PRKCZ: variants seen among roughly 807,000 people sequenced by gnomAD.
PRKCZ encodes the protein protein kinase C zeta type.
A neutral mutation model predicts 79.5 loss-of-function variants in PRKCZ; 33 were observed. The observed-to-expected ratio is 0.41, with a 90% CI of 0.31 to 0.55. The LOEUF is 0.55. Ranked by LOEUF, PRKCZ falls within the 20% of genes least tolerant of loss-of-function variation. The probability of loss-of-function intolerance (pLI) is 0.19; values close to 1 mark genes in which losing one functional copy is unlikely to be tolerated. For missense variants in PRKCZ, 578 were observed against 813.5 expected, an observed-to-expected ratio of 0.71 and a Z score of 3.52; for synonymous variants, 342 against 320.9, an observed-to-expected ratio of 1.07 and a Z score of -0.70.
Position 2,075,810 on chromosome 1 carries a change from T to C in PRKCZ, c.334+16219T>C, listed in dbSNP as rs1662297388. Among the ~76,000 whole-genome samples the C allele has an allele frequency of 6.6e-6, 1 of 152,210 alleles. No homozygotes were observed. The highest frequency in any genetic ancestry group is 1.5e-5 in the Non-Finnish European group (1 of 68,040). On this transcript the variant is annotated intron_variant, in intron 4 of 17. Coordinates refer to ENST00000378567, the MANE Select transcript of PRKCZ (RefSeq NM_002744.6). The surrounding 1 kb of genome is among the most constrained non-coding windows in gnomAD (Gnocchi z 4.8). The stretch of plus-strand genomic sequence containing the variant: ...GGTGGGGACCTGCCAGGGCTGTCAA[T>C]GGCCCCAGTGGAGAGGCCCACTGAG...
chr1:2,126,209 CTT>C (rs1031211784), intron 4 of PRKCZ, among the ~76,000 whole-genome samples: 1 of 152,218 alleles, frequency 6.6e-6, no homozygotes, highest in Non-Finnish European at 1.5e-5. Flanking sequence ...CAATGGGAAA[CTT>C]TTCTTCAGTG....
chr1:2,055,650 T>G, intron 2 of PRKCZ, 88 bp downstream of exon 2: 1 of 1,502,324 alleles, frequency 6.7e-7, no homozygotes, highest in Non-Finnish European at 8.9e-7. Context: ...CTCAGCCAAT[T>G]CTGTGGGGAG....
intron 3 of PRKCZ, among the ~76,000 whole-genome samples, chr1:2,058,080 G>C (rs1660344395): frequency 6.6e-6 from 1 of 152,114 alleles, no homozygotes. Context: ...TGTTAGCCAA[G>C]ATGGTCTCGA....
intron 4 of PRKCZ, among the ~76,000 whole-genome samples, chr1:2,113,524 G>C (rs1476808811): frequency 6.6e-6 from 1 of 152,232 alleles, no homozygotes; most frequent in African/African-American, 2.4e-5. Flanking sequence ...GGCAGCATCC[G>C]ATAGCCCCTT....
At chr1:2,063,169 A>G (rs1240708335) in intron 4 of PRKCZ, among the ~76,000 whole-genome samples, 2 of 152,230 alleles carry the variant, frequency 1.3e-5, no homozygotes, top group Admixed American at 6.5e-5. Flanking sequence ...CATTTCTGTC[A>G]GTGGACACAC....
intron 4 of PRKCZ, among the ~76,000 whole-genome samples, chr1:2,118,676 A>T (rs1260465340): frequency 6.8e-6 from 1 of 146,560 alleles, no homozygotes; most frequent in East Asian, 2.1e-4. Flanking sequence ...TGTCATTAAC[A>T]TCTGATCTGT....
rs72925881 is a variant in PRKCZ, at chr1:2,180,413, G to A, written c.1576-4170G>A. On this transcript the variant is annotated intron_variant, in intron 16 of 17. Coordinates refer to ENST00000378567, the MANE Select transcript of PRKCZ (RefSeq NM_002744.6). ...GGACGCACAGACGATGTGGATGCAC[G>A]GACGACGTAGACACACGGATGACTC... Among the ~76,000 whole-genome samples the A allele has an allele frequency of 9.4e-3, 1,427 of 152,032 alleles. 35 individuals are homozygous for A. The highest frequency in any genetic ancestry group is 0.032 in the African/African-American group (1,337 of 41,432).
At position 2,082,467 on chromosome 1, in the gene PRKCZ, G is replaced by A. The variant is rs779904827; in HGVS notation, c.334+22876G>A. 1.1e-5 allele frequency: 5 copies of A among 454,804 alleles called. No homozygotes were observed. The highest frequency in any genetic ancestry group is 2.2e-5 in the Non-Finnish European group (5 of 226,244). The allele number at this position is 454,804 out of a possible 1,614,324, so 28.2% of individuals were successfully genotyped here. ...GAGACTGTAATTTCATTCTGTGAGT[G>A]TAAGATCACGTCCGCGTTCCTAGCG... On this transcript the variant is annotated intron_variant, in intron 4 of 17. Transcript: ENST00000378567. The surrounding 1 kb of genome is among the most constrained non-coding windows in gnomAD (Gnocchi z 4.4).
chr1:2,068,692 C>G (rs897168727), intron 4 of PRKCZ, among the ~76,000 whole-genome samples: 1 of 152,244 alleles, frequency 6.6e-6, no homozygotes, highest in Non-Finnish European at 1.5e-5. Flanking sequence ...TGCCTCTGAT[C>G]TGGTGGGAGT....
intron 4 of PRKCZ, chr1:2,105,021 T>A: frequency 1.5e-6 from 1 of 685,110 alleles, no homozygotes; most frequent in Non-Finnish European, 1.8e-6. Context: ...AGCTCCCCTG[T>A]GAGTTCAGAC....
rs1313352995 is a variant in PRKCZ, at chr1:2,156,280, T to C, written c.974+188T>C. The C allele has an allele frequency of 2.2e-5, 12 of 539,776 alleles. No individual in the cohort carries two copies. In the East Asian group the frequency reaches 4.0e-4, roughly 18 times the overall value. 33.4% of individuals were successfully genotyped at this position (539,776 alleles called of 1,614,324 possible). The stretch of plus-strand genomic sequence containing the variant: ...GTGTCATATTAAGTACATTTCATGA[T>C]CTGAAGTTATTTAATTCCATTTACG... On this transcript the variant is annotated intron_variant, in intron 10 of 17. Coordinates refer to ENST00000378567, the MANE Select transcript of PRKCZ (RefSeq NM_002744.6).
chr1:2,172,464 G>A lies in PRKCZ; in HGVS notation c.1285+76G>A. The A allele has an allele frequency of 1.4e-6, 2 of 1,457,728 alleles. No homozygotes were observed. Among genetic ancestry groups the A allele is most frequent in the Non-Finnish European group, 1.9e-6 (2 of 1,077,968 alleles). 90.3% of individuals were successfully genotyped at this position (1,457,728 alleles called of 1,614,324 possible). On this transcript the variant is annotated intron_variant, in intron 13 of 17. Coordinates refer to ENST00000378567, the MANE Select transcript of PRKCZ (RefSeq NM_002744.6). The surrounding 1 kb of genome is among the most constrained non-coding windows in gnomAD (Gnocchi z 7.8). ...CTTCGGGCCTGGCCCAGCAGCCAGG[G>A]AGAGGTGTCCTTGACCATCTTACAC...
At chr1:2,049,758 CAAGCCCCTCGAGT>C (rs1441858464), upstream of PRKCZ, 1 of 152,390 alleles carries the variant, frequency 6.6e-6, no homozygotes. Context: ...TTGTCCAGAT[CAAGCCCCTCGAGT>C]AAGGCCCGAG....
In PRKCZ at chr1:2,174,837, C is replaced by A; in HGVS notation, c.1485+4C>A. ...TTTAAAAGGATTTTTAAATAAGGTA[C>A]GTTTCTGGCCATGCTGACAAAATCT... On this transcript the variant is annotated splice_donor_region_variant and intron_variant, in intron 15 of 17. Coordinates refer to ENST00000378567, the MANE Select transcript of PRKCZ (RefSeq NM_002744.6). This position sits in a 1 kb window ranked among gnomAD's most constrained non-coding sequence, Gnocchi z 6.2. 1 of 1,613,060 alleles carries A rather than the reference C, an allele frequency of 6.2e-7. No homozygotes were observed. The highest frequency in any genetic ancestry group is 8.5e-7 in the Non-Finnish European group (1 of 1,179,058).
intron 4 of PRKCZ, among the ~76,000 whole-genome samples, chr1:2,120,433 G>A (rs145501213): frequency 7.4e-4 from 111 of 150,836 alleles, no homozygotes; most frequent in Non-Finnish European, 1.3e-3. Context: ...CCGAGTAGCT[G>A]GGATTACAGG....
At chr1:2,053,205 A>G (rs1659849891) in intron 1 of PRKCZ, among the ~76,000 whole-genome samples, 2 of 151,542 alleles carry the variant, frequency 1.3e-5, no homozygotes, top group Non-Finnish European at 2.9e-5. Flanking sequence ...GGTTCAAGCA[A>G]TTCTCCTGCT....
chr1:2,054,258 T>A (rs1659948026), intron 1 of PRKCZ, among the ~76,000 whole-genome samples: 1 of 152,190 alleles, frequency 6.6e-6, no homozygotes, highest in South Asian at 2.1e-4. Context: ...CCTGTGCTCT[T>A]GCCCCGCGCT....
chr1:2,120,659 G>C (rs1428131070), intron 4 of PRKCZ, among the ~76,000 whole-genome samples: 1 of 152,000 alleles, frequency 6.6e-6, no homozygotes, highest in East Asian at 1.9e-4. Flanking sequence ...CTTCACACCT[G>C]TGTGTCTAAT....
chr1:2,115,934 C>T (rs547419145), intron 4 of PRKCZ, among the ~76,000 whole-genome samples: 1 of 152,176 alleles, frequency 6.6e-6, no homozygotes, highest in Non-Finnish European at 1.5e-5. Flanking sequence ...CAACAGCCAG[C>T]CACTGCTGAT....
Sources: gnomAD v4.1 joint callset for allele counts (sites outside exome capture counted in the v4.1 genomes callset) on GRCh38, gnomAD v4.1.1 for gene constraint, Gnocchi (gnomAD v3.1) non-coding constraint, MANE v1.5 for transcripts, NCBI Gene and HGNC (gene_info 2026-07-23, HGNC 2026-07-21) for gene names.